The following LPP variants were observed in gnomAD, a reference collection of about 807,000 sequenced individuals.
LPP encodes the protein LIM domain containing preferred translocation partner in lipoma.
LPP carries 38 observed loss-of-function variants against 60.4 expected under a neutral mutation model. The ratio of observed to expected loss-of-function variants is 0.63; its 90% CI spans 0.49 to 0.83. The LOEUF (loss-of-function observed/expected upper bound fraction) is 0.83, where lower values mean the gene tolerates loss of function less well. Ranked by LOEUF, LPP falls within the 40% of genes least tolerant of loss-of-function variation. The pLI is 0.00. For missense variants in LPP, 902 were observed against 783.6 expected, an observed-to-expected ratio of 1.15 and a Z score of -1.80; for synonymous variants, 328 against 290.8, an observed-to-expected ratio of 1.13 and a Z score of -1.30.
intron 7 of LPP, among the ~76,000 whole-genome samples, chr3:188,665,243 A>G (rs1157891311): frequency 6.6e-6 from 1 of 152,186 alleles, no homozygotes; most frequent in Non-Finnish European, 1.5e-5. Flanking sequence ...GGCTACAGGC[A>G]TTCAATACCC....
At chr3:188,679,519 C>CTG (rs56733573) in intron 7 of LPP, among the ~76,000 whole-genome samples, 1,850 of 143,154 alleles carry the variant, frequency 0.013, 33 homozygotes, top group African/African-American at 0.04. Context: ...TTTGAATACT[C>CTG]TGTGTGTGTG....
chr3:188,804,282 T>TATATAA (rs1560227180), intron 9 of LPP, among the ~76,000 whole-genome samples: 2 of 123,146 alleles, frequency 1.6e-5, no homozygotes, highest in Non-Finnish European at 3.4e-5. Context: ...TATATATATA[T>TATATAA]AAAATGGAAT....
At chr3:188,269,797 C>T (rs570563175) in intron 2 of LPP, among the ~76,000 whole-genome samples, 67 of 152,006 alleles carry the variant, frequency 4.4e-4, no homozygotes, top group Middle Eastern at 3.4e-3. Context: ...ACTACAGGCG[C>T]GTGCCACCAC....
intron 4 of LPP, among the ~76,000 whole-genome samples, chr3:188,418,236 C>T (rs1786859533): frequency 6.6e-6 from 1 of 152,052 alleles, no homozygotes; most frequent in Non-Finnish European, 1.5e-5. Flanking sequence ...AGTATCTTCC[C>T]TTAAGTATTG....
chr3:188,404,038 GA>G (rs1273887219), intron 3 of LPP, among the ~76,000 whole-genome samples: 1 of 152,166 alleles, frequency 6.6e-6, no homozygotes, highest in African/African-American at 2.4e-5. Context: ...CTTTGTCATT[GA>G]TTCATGTTAT....
chr3:188,538,045 G>T lies in LPP; in HGVS notation c.429+13258G>T, dbSNP rs115601401. ...TGGAACCACCAGATATCTACAAAGA[G>T]TAAAGCTGGACTCCCTACCTCATAG... On this transcript the variant is annotated intron_variant, in intron 6 of 11. Coordinates refer to ENST00000617246, the MANE Select transcript of LPP (RefSeq NM_001375462.1). 2.5e-3 allele frequency among the ~76,000 whole-genome samples: 377 copies of T among 152,264 alleles called. 4 individuals carry two copies. The highest frequency in any genetic ancestry group is 8.7e-3 in the African/African-American group (362 of 41,554).
intron 2 of LPP, among the ~76,000 whole-genome samples, chr3:188,340,915 C>G (rs1317139508): frequency 1.3e-5 from 2 of 152,076 alleles, no homozygotes; most frequent in African/African-American, 4.8e-5. Context: ...TCACTGCTCT[C>G]TATAACCATA....
At chr3:188,528,734 T>G (rs769692200) in intron 6 of LPP, among the ~76,000 whole-genome samples, 1 of 152,194 alleles carries the variant, frequency 6.6e-6, no homozygotes, top group Non-Finnish European at 1.5e-5. Context: ...GCCATATGTT[T>G]GAGCACTGCG....
intron 9 of LPP, among the ~76,000 whole-genome samples, chr3:188,837,420 T>TC (rs1365141515): frequency 1.4e-5 from 2 of 143,168 alleles, no homozygotes; most frequent in African/African-American, 5.1e-5. Flanking sequence ...ATAATAATAA[T>TC]AATCTGTGCT....
At chr3:188,486,979 A>G (rs1166317010) in intron 5 of LPP, among the ~76,000 whole-genome samples, 3 of 152,166 alleles carry the variant, frequency 2.0e-5, no homozygotes, top group African/African-American at 7.2e-5. Flanking sequence ...TTTTTTGCAT[A>G]TTGTTTAATA....
chr3:188,618,933 G>A (rs1056162271), intron 7 of LPP, among the ~76,000 whole-genome samples: 4 of 152,126 alleles, frequency 2.6e-5, no homozygotes, highest in Non-Finnish European at 5.9e-5. Flanking sequence ...ATTTTTTGTG[G>A]TTCATAATGC....
chr3:188,214,193 C>T (rs942065362), intron 1 of LPP, among the ~76,000 whole-genome samples: 7 of 152,030 alleles, frequency 4.6e-5, no homozygotes, highest in East Asian at 1.9e-4. Context: ...TGCAATGGCG[C>T]GATCTCGGCT....
intron 1 of LPP, among the ~76,000 whole-genome samples, chr3:188,210,495 C>T (rs998346231): frequency 1.3e-5 from 2 of 152,158 alleles, no homozygotes; most frequent in African/African-American, 4.8e-5. Context: ...CACTGGAGAC[C>T]TCAGGAATAC....
chr3:188,252,528 G>C (rs577356807), intron 2 of LPP, among the ~76,000 whole-genome samples: 1 of 151,866 alleles, frequency 6.6e-6, no homozygotes, highest in Non-Finnish European at 1.5e-5. Context: ...ATTTTATGAG[G>C]TACTTTAGTT....
rs57278260 is a variant in LPP at position 188,770,168 on chromosome 3, CTTTTTTTT to C, written c.1410+9905_1410+9912del. ...CTCATTTTCTTTCATAGTTATAATTCTTTTTTTTTTTTTTTTTTTTTTTTTTCCGAGAC... is the reference window on the plus strand; with the variant it reads ...CTCATTTTCTTTCATAGTTATAATTCTTTTTTTTTTTTTTTTTTCCGAGAC... On this transcript the variant is annotated intron_variant, in intron 9 of 11. Transcript: ENST00000617246. Among the ~76,000 whole-genome samples, 13 of 64,630 alleles carry C rather than the reference CTTTTTTTT, an allele frequency of 2.0e-4. 1 individual carries two copies. Among genetic ancestry groups the C allele is most frequent in the Admixed American group, 4.8e-4 (2 of 4,164 alleles). 42.4% of individuals were successfully genotyped at this position (64,630 alleles called of 152,430 possible).
At chr3:188,284,174 C>T (rs1333427466) in intron 2 of LPP, among the ~76,000 whole-genome samples, 1 of 151,860 alleles carries the variant, frequency 6.6e-6, no homozygotes, top group Admixed American at 6.5e-5. Flanking sequence ...GGCAAATCAC[C>T]TGACCTCAGG....
At chr3:188,447,607 CAAAAAAAA>C (rs59645249) in intron 4 of LPP, among the ~76,000 whole-genome samples, 2 of 114,778 alleles carry the variant, frequency 1.7e-5, no homozygotes, top group Non-Finnish European at 1.8e-5. Context: ...GAGACTGCCT[CAAAAAAAA>C]AAAAAAAAAA....
chr3:188,393,321 T>C (rs1780144387), intron 3 of LPP, among the ~76,000 whole-genome samples: 1 of 152,174 alleles, frequency 6.6e-6, no homozygotes, highest in South Asian at 2.1e-4. Context: ...CCTTCTTTCC[T>C]TCTTAAGAGC....
rs1004878106 is a variant in LPP at position 188,889,835 on chromosome 3, A to G, written c.*15356A>G. 2.8e-5 allele frequency: 6 copies of G among 214,324 alleles called. No homozygotes were observed. Among genetic ancestry groups the G allele is most frequent in the Non-Finnish European group, 5.6e-5 (6 of 106,336 alleles). The allele number at this position is 214,324 out of a possible 1,614,324, so 13.3% of individuals were successfully genotyped here. ...GTGATACTTTTCACTAAAAATGCCT[A>G]CTCTTCCTGTTGATGTTCCTTTTCT... On this transcript the variant is annotated 3_prime_UTR_variant, in exon 12 of 12. Transcript: ENST00000617246.
Sources: gnomAD v4.1 joint callset for allele counts (sites outside exome capture counted in the v4.1 genomes callset) on GRCh38, gnomAD v4.1.1 for gene constraint, MANE v1.5 for transcripts, NCBI Gene and HGNC (gene_info 2026-07-23, HGNC 2026-07-21) for gene names.